Variants in GPSM1 observed in about 807,000 individuals in gnomAD.
GPSM1 encodes the protein G protein signaling modulator 1.
GPSM1 carries 48 observed loss-of-function variants against 70.5 expected under a neutral mutation model. The observed-to-expected ratio is 0.68, with a 90% CI of 0.54 to 0.87. GPSM1 has a LOEUF of 0.87. Ranked by LOEUF, GPSM1 falls within the 40% of genes least tolerant of loss-of-function variation. GPSM1 has a pLI of 0.00. For synonymous variants in GPSM1, 416 were observed against 430.1 expected (o/e 0.97, Z 0.41); for missense variants, 981 against 972.6 (o/e 1.01, Z -0.11).
chr9:136,328,340 G>T (rs1406374887), intron 1 of GPSM1, among the ~76,000 whole-genome samples: 1 of 152,186 alleles, frequency 6.6e-6, no homozygotes, highest in Admixed American at 6.5e-5. Context: ...TGCCTGCCTG[G>T]TGACTCCCAA....
At chr9:136,344,830 C>T (rs547606726) in intron 9 of GPSM1, among the ~76,000 whole-genome samples, 193 of 152,328 alleles carry the variant, frequency 1.3e-3, no homozygotes, top group Non-Finnish European at 2.3e-3. Context: ...GGGAGGGCCT[C>T]GTGGGCCCTT....
chr9:136,330,423 G>T (rs561612681), intron 1 of GPSM1, among the ~76,000 whole-genome samples: 28 of 152,110 alleles, frequency 1.8e-4, no homozygotes, highest in Non-Finnish European at 3.2e-4. Context: ...CTGGTGGGTC[G>T]CTGGGCAGCG....
At chr9:136,333,545 C>T (rs1832153261) in intron 1 of GPSM1, among the ~76,000 whole-genome samples, 1 of 152,188 alleles carries the variant, frequency 6.6e-6, no homozygotes, top group Admixed American at 6.5e-5. Flanking sequence ...GTGCAGGGCC[C>T]AGGGTGAGGG....
At chr9:136,331,908 G>A (rs763589690) in intron 1 of GPSM1, 1 of 397,542 alleles carries the variant, frequency 2.5e-6, no homozygotes, top group Non-Finnish European at 4.4e-6. Flanking sequence ...CATCCTGGAG[G>A]TCAGAGGGCA....
chr9:136,329,806 C>T (rs538283110), intron 1 of GPSM1, among the ~76,000 whole-genome samples: 23 of 150,544 alleles, frequency 1.5e-4, no homozygotes, highest in East Asian at 5.9e-4. Flanking sequence ...TCGGTGGGGA[C>T]GGGCCCCTGG....
chr9:136,327,942 C>T (rs947919944), intron 1 of GPSM1, among the ~76,000 whole-genome samples, 179 bp downstream of exon 1: 10 of 150,382 alleles, frequency 6.6e-5, no homozygotes, highest in Non-Finnish European at 1.3e-4. Flanking sequence ...TGGGCGTCCC[C>T]TGAAGCCCTC....
intron 9 of GPSM1, among the ~76,000 whole-genome samples, chr9:136,344,079 G>A (rs1483077727): frequency 6.6e-6 from 1 of 152,018 alleles, no homozygotes; most frequent in African/African-American, 2.4e-5. Context: ...GGGGAGCCCA[G>A]GAGTGAGCCA....
Position 136,358,382 on chromosome 9 carries a change from G to A in GPSM1, c.*162G>A. ...GACAGGCTCAGGCCAAGCTGCCCGT[G>A]GTGGGAGGGCGTGCTTCCATCCCGG... On this transcript the variant is annotated 3_prime_UTR_variant, in exon 14 of 14. Transcript: ENST00000440944. 1 of 675,410 alleles carries A rather than the reference G, an allele frequency of 1.5e-6. No individual in the cohort carries two copies. The highest frequency in any genetic ancestry group is 2.5e-6 in the Non-Finnish European group (1 of 407,358). The allele number at this position is 675,410 out of a possible 1,614,324, so 41.8% of individuals were successfully genotyped here. A position where few individuals can be genotyped will look rare whatever the true frequency, so the allele number is the denominator to read the frequency against.
chr9:136,351,141 G>A (rs978053536), intron 11 of GPSM1, among the ~76,000 whole-genome samples: 2 of 152,192 alleles, frequency 1.3e-5, no homozygotes, highest in African/African-American at 4.8e-5. Flanking sequence ...GCTGGGATTC[G>A]CAGCCCCCCG....
Position 136,327,751 on chromosome 9 carries a change from G to T in GPSM1, c.56G>T (p.Arg19Leu), listed in dbSNP as rs1832005836. ...ADELPGPAAR[R>L]LYSRMEASCL... is the part of the protein sequence containing the mutation. ...GAGCTCCCGGGCCCGGCCGCCAGGC[G>T]CCTCTACTCCAGGTAGGACGGGCCG... The change falls in exon 1 of 14, where the codon CGC becomes CTC. Residue 19 changes from arginine to leucine, a missense_variant. Transcript: ENST00000440944. 2.5e-6 allele frequency: 3 copies of T among 1,189,964 alleles called. No individual in the cohort carries two copies. The highest frequency in any genetic ancestry group is 4.3e-5 in the Admixed American group (1 of 23,012). 73.7% of individuals were successfully genotyped at this position (1,189,964 alleles called of 1,614,324 possible).
In GPSM1 at chr9:136,334,451, G is replaced by C. The variant is rs1554768887; in HGVS notation, c.73G>C (p.Glu25Gln). 4 of 1,611,086 alleles carry C rather than the reference G, an allele frequency of 2.5e-6. No individual in the cohort carries two copies. Among genetic ancestry groups the C allele is most frequent in the Non-Finnish European group, 3.4e-6 (4 of 1,179,274 alleles). The stretch of plus-strand genomic sequence containing the variant: ...ACGCCAAGTTCCTCTGCACAGGATG[G>C]AGGCGTCCTGCCTAGAGCTGGCGCT... ...PAARRLYSRM[E>Q]ASCLELALEG... The change falls in exon 2 of 14, where the codon GAG becomes CAG. Residue 25 changes from glutamate (E) to glutamine (Q), a missense_variant. Physicochemically the swap from Glu to Gln is conservative, Grantham distance 29. Transcript: ENST00000440944.
Position 136,327,738 on chromosome 9 carries a change from C to T in GPSM1, c.43C>T (p.Pro15Ser). ...GCCCGCGGCCGACGAGCTCCCGGGC[C>T]CGGCCGCCAGGCGCCTCTACTCCAG... Reference protein sequence around the residue: ...APPAADELPGPAARRLYSRME... With the variant: ...APPAADELPGSAARRLYSRME... The change falls in exon 1 of 14, where the codon CCG (proline) becomes TCG (serine). Residue 15 changes from proline to serine, a missense_variant. Coordinates refer to ENST00000440944, the MANE Select transcript of GPSM1 (RefSeq NM_001145638.3). The T allele has an allele frequency of 8.4e-7, 1 of 1,194,898 alleles. No individual in the cohort carries two copies. 74.0% of individuals were successfully genotyped at this position (1,194,898 alleles called of 1,614,324 possible). A position where few individuals can be genotyped will look rare whatever the true frequency, so the allele number is the denominator to read the frequency against.
chr9:136,339,627 C>A, intron 7 of GPSM1, 80 bp from the exon 8 acceptor site: 1 of 971,624 alleles, frequency 1.0e-6, no homozygotes. Context: ...CATGCTGGGG[C>A]CGTGACCACC....
In GPSM1 at chr9:136,338,362, G is replaced by A. The variant is rs190129514; in HGVS notation, c.819-193G>A. On this transcript the variant is annotated intron_variant, in intron 6 of 13. Coordinates refer to ENST00000440944, the MANE Select transcript of GPSM1 (RefSeq NM_001145638.3). ...TCAGGCAACTTGCCAGAGCCTGGCA[G>A]GACCCCCCGTCCCCCTGGGGCCAAC... 7.2e-5 allele frequency among the ~76,000 whole-genome samples: 11 copies of A among 152,294 alleles called. No individual in the cohort carries two copies. The East Asian group carries it at 1.5e-3, about 21-fold the overall frequency.
rs138473493 is a variant in GPSM1, at chr9:136,343,562, G to A, written c.1207+2569G>A. Among the ~76,000 whole-genome samples the A allele has an allele frequency of 6.3e-4, 96 of 152,326 alleles. No individual in the cohort carries two copies. Among genetic ancestry groups the A allele is most frequent in the Admixed American group, 1.8e-3 (28 of 15,306 alleles). On this transcript the variant is annotated intron_variant, in intron 9 of 13. Coordinates refer to ENST00000440944, the MANE Select transcript of GPSM1 (RefSeq NM_001145638.3). The surrounding 1 kb of genome is among the most constrained non-coding windows in gnomAD (Gnocchi z 6.0). ...CCTTCCTGGGAGAAGTCCCCTGAAC[G>A]TCCCAACGAGTGGCCTTGGGGTCAG...
At position 136,358,658 on chromosome 9, in the gene GPSM1, G is replaced by T; in HGVS notation, c.*438G>T. The T allele has an allele frequency of 4.2e-6, 1 of 238,116 alleles. No individual in the cohort carries two copies. 14.8% of individuals were successfully genotyped at this position (238,116 alleles called of 1,614,324 possible). Reference sequence around the variant, plus strand: ...TTCTGTCCCCCCAGAGCTGGTCTTGGGATGGCCGTGTGACAGGCATGCTCC... The same window carrying T: ...TTCTGTCCCCCCAGAGCTGGTCTTGTGATGGCCGTGTGACAGGCATGCTCC... On this transcript the variant is annotated 3_prime_UTR_variant, in exon 14 of 14. Transcript: ENST00000440944.
intron 9 of GPSM1, among the ~76,000 whole-genome samples, chr9:136,346,872 C>G (rs1832535869): frequency 1.3e-5 from 2 of 152,232 alleles, no homozygotes; most frequent in Admixed American, 1.3e-4. Flanking sequence ...GACTGCCCGC[C>G]TGAGCCGGCT....
chr9:136,338,579 G>A lies in GPSM1; in HGVS notation c.843G>A (p.Gln281=). The A allele has an allele frequency of 1.9e-6, 3 of 1,611,520 alleles. No homozygotes were observed. Among genetic ancestry groups the A allele is most frequent in the Non-Finnish European group, 2.5e-6 (3 of 1,179,492 alleles). ...YYKKTLQLSR[Q]LRDQAVEAQA... ...GGAAGACGCTGCAACTGTCTCGGCA[G>A]CTCAGGGACCAGGCAGTGGAGGCGC... The change falls in exon 7 of 14, where the codon CAG becomes CAA. Residue 281 remains glutamine (Q), a synonymous_variant. Coordinates refer to ENST00000440944, the MANE Select transcript of GPSM1 (RefSeq NM_001145638.3).
Position 136,336,027 on chromosome 9 carries a change from G to C in GPSM1, c.352G>C (p.Val118Leu). 1 of 1,612,586 alleles carries C rather than the reference G, an allele frequency of 6.2e-7. No individual in the cohort carries two copies. Among genetic ancestry groups the C allele is most frequent in the Non-Finnish European group, 8.5e-7 (1 of 1,179,908 alleles). ...TGGAAACCTGGGAAACACACTCAAG[G>C]TCCTGGGGCGCTTCGACGAGGCTGC... ...ASGNLGNTLK[V>L]LGRFDEAAVC... Residue 118 changes from valine (V) to leucine (L), a missense_variant, in exon 3 of 14, where the codon GTC becomes CTC. By Grantham distance (32) the Val-to-Leu change is conservative. Transcript: ENST00000440944.
Sources: allele counts gnomAD v4.1 joint callset (sites outside exome capture counted in the v4.1 genomes callset), GRCh38; gene constraint gnomAD v4.1.1; non-coding constraint Gnocchi (gnomAD v3.1); transcripts MANE v1.5; gene names NCBI Gene and HGNC (gene_info 2026-07-23, HGNC 2026-07-21).